PBRM1: variants seen among roughly 807,000 people sequenced by gnomAD.
The protein encoded by PBRM1 is protein polybromo-1.
A neutral mutation model predicts 194.5 loss-of-function variants in PBRM1; 27 were observed. That is an observed-to-expected ratio of 0.14 (90% confidence interval 0.10 to 0.19). The LOEUF (loss-of-function observed/expected upper bound fraction) is 0.19. Among genes scored for constraint, PBRM1 ranks in the 10% least tolerant of loss-of-function variants. The pLI is 1.00. For missense variants in PBRM1, 1,466 were observed against 2,077.2 expected (o/e 0.71, Z 5.72); for synonymous variants, 655 against 693.2 (o/e 0.94, Z 0.87).
intron 3 of PBRM1, among the ~76,000 whole-genome samples, chr3:52,663,730 T>C (rs1577971787): frequency 6.6e-6 from 1 of 152,104 alleles, no homozygotes; most frequent in Non-Finnish European, 1.5e-5. Context: ...TAATCTACCA[T>C]AGAATAAAAA....
chr3:52,552,510 C>T (rs983983493), intron 27 of PBRM1, among the ~76,000 whole-genome samples: 1 of 152,168 alleles, frequency 6.6e-6, no homozygotes, highest in Non-Finnish European at 1.5e-5. Flanking sequence ...AACTGCTGAG[C>T]TCAAAGCAAT....
chr3:52,605,586 G>A (rs1223744577), intron 16 of PBRM1, among the ~76,000 whole-genome samples: 1 of 151,090 alleles, frequency 6.6e-6, no homozygotes, highest in African/African-American at 2.4e-5. Flanking sequence ...ATCTAAATGG[G>A]TGTTTCCGGA....
Position 52,550,759 on chromosome 3 carries a change from T to C in PBRM1, c.4668A>G (p.Pro1556=), listed in dbSNP as rs148596313. The C allele has an allele frequency of 1.4e-5, 22 of 1,611,684 alleles. No individual in the cohort carries two copies. The African/African-American group carries it at 2.1e-4, about 16-fold the overall frequency. Residue 1556 remains proline (P), a synonymous_variant, in exon 28 of 30, where the codon CCA becomes CCG. Transcript: ENST00000296302. ...CTGGGAGGCTCACCTGTTGTCCATA[T>C]GGACTTCCACCTGGTGCTGGAGTCC...
intron 10 of PBRM1, among the ~76,000 whole-genome samples, chr3:52,639,008 A>C (rs1445645303): frequency 2.1e-5 from 3 of 140,812 alleles, no homozygotes; most frequent in East Asian, 2.1e-4. Context: ...GCGGGGGACA[A>C]AGTTTTGCTC....
At chr3:52,554,467 T>G (rs1026335989) in intron 27 of PBRM1, among the ~76,000 whole-genome samples, 1 of 152,256 alleles carries the variant, frequency 6.6e-6, no homozygotes, top group African/African-American at 2.4e-5. Flanking sequence ...AGAGTATGCC[T>G]CTTGTCCCTT....
intron 5 of PBRM1, among the ~76,000 whole-genome samples, chr3:52,657,785 CTTT>C (rs893863963): frequency 8.1e-6 from 1 of 123,876 alleles, no homozygotes; most frequent in Non-Finnish European, 1.7e-5. Context: ...TCTTCCTTTT[CTTT>C]TTTTTTTTTT....
chr3:52,614,601 C>T (rs2094850357), intron 15 of PBRM1, among the ~76,000 whole-genome samples: 1 of 148,230 alleles, frequency 6.7e-6, no homozygotes, highest in Non-Finnish European at 1.5e-5. Context: ...GGCAGAGTCT[C>T]ACTCTGTCGC....
At chr3:52,633,635 C>A (rs1313788385) in intron 11 of PBRM1, among the ~76,000 whole-genome samples, 1 of 152,170 alleles carries the variant, frequency 6.6e-6, no homozygotes, top group Admixed American at 6.5e-5. Context: ...ACTATCTGCA[C>A]AGAGGTTCCA....
At chr3:52,550,383 CATGTA>C in intron 29 of PBRM1, 33 bp downstream of exon 31, 1 of 1,108,182 alleles carries the variant, frequency 9.0e-7, no homozygotes, top group Non-Finnish European at 1.2e-6. Context: ...TTTGAGGAAG[CATGTA>C]TTTCACAAAG....
rs1483884413 is a variant in PBRM1 at position 52,651,813 on chromosome 3, G to A, written c.646-3C>T. On this transcript the variant is annotated splice_region_variant and splice_polypyrimidine_tract_variant and intron_variant, in intron 5 of 29. Coordinates refer to ENST00000296302, the Ensembl canonical transcript of PBRM1. ...ATTGCATAATAATCTGGATATTGCT[G>A]GAAGACAAAAAACCAGGCATGCTCA... is the stretch of plus-strand genomic sequence containing the variant. The A allele has an allele frequency of 6.3e-7, 1 of 1,592,026 alleles. No individual in the cohort carries two copies. The highest frequency in any genetic ancestry group is 1.1e-5 in the South Asian group (1 of 88,544).
In PBRM1 at chr3:52,632,868, A is replaced by G. The variant is rs575431713; in HGVS notation, c.1301+1734T>C. Among the ~76,000 whole-genome samples, 3 of 151,972 alleles carry G rather than the reference A, an allele frequency of 2.0e-5. No individual in the cohort carries two copies. In the South Asian group the frequency reaches 6.2e-4, roughly 32 times the overall value. ...GCCACTACGCCTGGCTAATTTTTGT[A>G]CTTTTAATGGAGACGGGGTTTCACA... On this transcript the variant is annotated intron_variant, in intron 11 of 29. Coordinates refer to ENST00000296302, the Ensembl canonical transcript of PBRM1.
At chr3:52,561,771 A>G (rs1464678630) in exon 25 of PBRM1, 1 of 1,613,634 alleles carries the variant, frequency 6.2e-7, no homozygotes. Flanking sequence ...ATTTACCTTC[A>G]TATTCTGCTT....
chr3:52,545,703 C>A (rs925764747), downstream of PBRM1: 8 of 232,826 alleles, frequency 3.4e-5, no homozygotes, highest in Admixed American at 2.8e-4. Context: ...TCCCCTCAGT[C>A]CCCCCGTTTG....
chr3:52,594,164 G>A (rs535336739), intron 17 of PBRM1, among the ~76,000 whole-genome samples: 2 of 152,328 alleles, frequency 1.3e-5, no homozygotes, highest in African/African-American at 4.8e-5. Flanking sequence ...TTACAGGCAT[G>A]AGCCACTATA....
chr3:52,672,330 C>T (rs1353646058), intron 2 of PBRM1, among the ~76,000 whole-genome samples: 1 of 152,172 alleles, frequency 6.6e-6, no homozygotes, highest in East Asian at 1.9e-4. Context: ...AATTCAAGAT[C>T]AGCTGATTAG....
intron 2 of PBRM1, among the ~76,000 whole-genome samples, chr3:52,675,204 A>C (rs1228137476): frequency 6.6e-6 from 1 of 152,222 alleles, no homozygotes; most frequent in Non-Finnish European, 1.5e-5. Context: ...ATAACTAGTA[A>C]GGAGACTGAA....
At chr3:52,590,177 A>G (rs1202420518) in intron 17 of PBRM1, among the ~76,000 whole-genome samples, 1 of 151,876 alleles carries the variant, frequency 6.6e-6, no homozygotes, top group East Asian at 2.0e-4. Context: ...ACAGGCCGGT[A>G]GCGGCAGCTC....
chr3:52,641,464 G>GA (rs560822967), intron 10 of PBRM1, among the ~76,000 whole-genome samples: 36 of 104,882 alleles, frequency 3.4e-4, no homozygotes, highest in South Asian at 5.8e-4. Flanking sequence ...AAAAAAAAAA[G>GA]AAAAAAAAAA....
At chr3:52,664,718 A>C (rs1376332372) in intron 3 of PBRM1, among the ~76,000 whole-genome samples, 1 of 151,606 alleles carries the variant, frequency 6.6e-6, no homozygotes, top group Non-Finnish European at 1.5e-5. Context: ...TGGGCATCAG[A>C]GCCAGACTCT....
Sources: gnomAD v4.1 joint callset for allele counts (sites outside exome capture counted in the v4.1 genomes callset) on GRCh38, gnomAD v4.1.1 for gene constraint, MANE v1.5 for transcripts, NCBI Gene and HGNC (gene_info 2026-07-23, HGNC 2026-07-21) for gene names.